The following MAP2K4 variants were observed in gnomAD, a reference collection of about 807,000 sequenced individuals.
MAP2K4 encodes mitogen-activated protein kinase kinase 4.
Under a neutral mutation model 48.5 loss-of-function variants are expected in MAP2K4, and 4 were observed. The ratio of observed to expected loss-of-function variants is 0.08; its 90% CI spans 0.04 to 0.19. The LOEUF (loss-of-function observed/expected upper bound fraction) is 0.19. Ranked by LOEUF, MAP2K4 falls within the 10% of genes least tolerant of loss-of-function variation. The probability of loss-of-function intolerance (pLI) is 1.00; values close to 1 mark genes in which losing one functional copy is unlikely to be tolerated. For synonymous variants in MAP2K4, 166 were observed against 173.1 expected (o/e 0.96, Z 0.32); for missense variants, 258 against 493.3 (o/e 0.52, Z 4.52).
chr17:12,101,493 T>C (rs867923447), intron 4 of MAP2K4, among the ~76,000 whole-genome samples: 1 of 152,088 alleles, frequency 6.6e-6, no homozygotes, highest in African/African-American at 2.4e-5. Context: ...ATCCTTTCTA[T>C]TTTCATGTGG....
chr17:12,088,509 A>T (rs1293944840), intron 3 of MAP2K4, among the ~76,000 whole-genome samples: 2 of 107,272 alleles, frequency 1.9e-5, no homozygotes, highest in African/African-American at 5.8e-5. Flanking sequence ...TATATTATCT[A>T]TAATATGTAT....
intron 2 of MAP2K4, among the ~76,000 whole-genome samples, chr17:12,070,670 A>G (rs1250656048): frequency 3.3e-5 from 5 of 152,256 alleles, no homozygotes; most frequent in African/African-American, 1.2e-4. Flanking sequence ...TCAGCAAACT[A>G]CAGCTCATGA....
intron 1 of MAP2K4, among the ~76,000 whole-genome samples, chr17:12,035,289 G>A (rs1041644119): frequency 2.6e-5 from 4 of 152,142 alleles, no homozygotes; most frequent in East Asian, 1.9e-4. Context: ...AGGCCACGGC[G>A]GGCAGATCAC....
At chr17:12,065,472 G>A (rs1597430072) in intron 2 of MAP2K4, among the ~76,000 whole-genome samples, 1 of 151,804 alleles carries the variant, frequency 6.6e-6, no homozygotes, top group East Asian at 1.9e-4. Flanking sequence ...CTAGTTTTTT[G>A]TATTTTTAGT....
intron 1 of MAP2K4, among the ~76,000 whole-genome samples, chr17:12,025,467 AG>A (rs1237711927): frequency 2.0e-5 from 3 of 152,224 alleles, no homozygotes; most frequent in African/African-American, 7.2e-5. Context: ...GAGAAATGTC[AG>A]TTTTCAATAG....
intron 4 of MAP2K4, among the ~76,000 whole-genome samples, chr17:12,101,235 C>T (rs1971926720): frequency 1.3e-5 from 2 of 151,900 alleles, no homozygotes; most frequent in Admixed American, 1.3e-4. Flanking sequence ...TTATATATAT[C>T]GAGAGTTATA....
At chr17:12,058,172 C>T (rs1970340628) in intron 2 of MAP2K4, among the ~76,000 whole-genome samples, 1 of 151,814 alleles carries the variant, frequency 6.6e-6, no homozygotes. Context: ...AAGACATGCC[C>T]CCTTTTTATT....
chr17:12,025,090 C>T (rs1969214702), intron 1 of MAP2K4, among the ~76,000 whole-genome samples: 1 of 152,196 alleles, frequency 6.6e-6, no homozygotes, highest in Non-Finnish European at 1.5e-5. Flanking sequence ...GTAGCTGTAG[C>T]AGCTAGCGTT....
intron 1 of MAP2K4, among the ~76,000 whole-genome samples, chr17:12,023,697 G>C (rs1277937784): frequency 6.6e-6 from 1 of 152,118 alleles, no homozygotes; most frequent in Non-Finnish European, 1.5e-5. Flanking sequence ...AGTGGTCCAG[G>C]CTGGCCAATA....
In MAP2K4 at chr17:12,081,074, C is replaced by T. The variant is rs1437499613; in HGVS notation, c.219-282C>T. ...ATATTTAGAAATGAAAACTGATCTG[C>T]AGAATTAGTTTAATCAATAAATGGG... is the stretch of plus-strand genomic sequence containing the variant. On this transcript the variant is annotated intron_variant, in intron 2 of 10. Coordinates refer to ENST00000353533, the MANE Select transcript of MAP2K4 (RefSeq NM_003010.4). This position sits in a 1 kb window ranked among gnomAD's most constrained non-coding sequence, Gnocchi z 4.2. Among the ~76,000 whole-genome samples the T allele has an allele frequency of 1.3e-5, 2 of 152,160 alleles. No homozygotes were observed. The highest frequency in any genetic ancestry group is 2.9e-5 in the Non-Finnish European group (2 of 68,034).
chr17:12,059,468 G>A (rs746571765), intron 2 of MAP2K4, among the ~76,000 whole-genome samples: 11 of 152,164 alleles, frequency 7.2e-5, no homozygotes, highest in Non-Finnish European at 1.5e-4. Flanking sequence ...AATATATTCA[G>A]TACAATTGTT....
At chr17:12,120,161 T>A (rs1396636274) in intron 7 of MAP2K4, among the ~76,000 whole-genome samples, 3 of 151,826 alleles carry the variant, frequency 2.0e-5, no homozygotes, top group Non-Finnish European at 4.4e-5. Flanking sequence ...AGTAAAAGTT[T>A]AAAAAAAATA....
At chr17:12,068,777 A>G (rs1412788144) in intron 2 of MAP2K4, among the ~76,000 whole-genome samples, 1 of 145,424 alleles carries the variant, frequency 6.9e-6, no homozygotes, top group Non-Finnish European at 1.6e-5. Flanking sequence ...GCGTGTGTGT[A>G]TATGTATTTA....
In MAP2K4 at chr17:12,060,355, GAATT is replaced by G. The variant is rs532517462; in HGVS notation, c.218+5367_218+5370del. 2.0e-3 allele frequency among the ~76,000 whole-genome samples: 306 copies of G among 152,072 alleles called. 1 individual carries two copies. The highest frequency in any genetic ancestry group is 7.3e-3 in the African/African-American group (302 of 41,472). ...TTATATAATGAATAGGAAGGGGAGA[GAATT>G]AAGCCAGCCTTGCACTGCCTTCTTT... On this transcript the variant is annotated intron_variant, in intron 2 of 10. Coordinates refer to ENST00000353533, the MANE Select transcript of MAP2K4 (RefSeq NM_003010.4).
Position 12,081,254 on chromosome 17 carries a change from A to C in MAP2K4, c.219-102A>C. 1 of 860,548 alleles carries C rather than the reference A, an allele frequency of 1.2e-6. No homozygotes were observed. Among genetic ancestry groups the C allele is most frequent in the Non-Finnish European group, 1.8e-6 (1 of 571,150 alleles). 53.3% of individuals were successfully genotyped at this position (860,548 alleles called of 1,614,324 possible). On this transcript the variant is annotated intron_variant, in intron 2 of 10. Transcript: ENST00000353533. This position sits in a 1 kb window ranked among gnomAD's most constrained non-coding sequence, Gnocchi z 4.2. ...AAAAACCTGGAGGTCAGACTATTTTAGTAATTTAGAAAACATTTTTCCCAC... is the reference window on the plus strand; with the variant it reads ...AAAAACCTGGAGGTCAGACTATTTTCGTAATTTAGAAAACATTTTTCCCAC...
At chr17:12,132,775 C>CTGCAGAAGAG (rs1973073107) in intron 9 of MAP2K4, among the ~76,000 whole-genome samples, 1 of 152,092 alleles carries the variant, frequency 6.6e-6, no homozygotes, top group Non-Finnish European at 1.5e-5. Flanking sequence ...AGAAAGTATG[C>CTGCAGAAGAG]TGCAGAAGAG....
At position 12,081,618 on chromosome 17, in the gene MAP2K4, T is replaced by A; in HGVS notation, c.393+88T>A. ...AATACCACTGTTGTTGTGTTCCTAC[T>A]TTTGTGGTAAATGTGGGTGTTTAAA... On this transcript the variant is annotated intron_variant, in intron 3 of 10. Coordinates refer to ENST00000353533, the MANE Select transcript of MAP2K4 (RefSeq NM_003010.4). The surrounding 1 kb of genome is among the most constrained non-coding windows in gnomAD (Gnocchi z 4.2). 1 of 1,357,956 alleles carries A rather than the reference T, an allele frequency of 7.4e-7. No individual in the cohort carries two copies. Among genetic ancestry groups the A allele is most frequent in the Non-Finnish European group, 1.0e-6 (1 of 982,056 alleles). 84.1% of individuals were successfully genotyped at this position (1,357,956 alleles called of 1,614,324 possible). A position where few individuals can be genotyped will look rare whatever the true frequency, so the allele number is the denominator to read the frequency against.
intron 2 of MAP2K4, among the ~76,000 whole-genome samples, chr17:12,061,386 C>T (rs1217566391): frequency 6.6e-6 from 1 of 152,174 alleles, no homozygotes; most frequent in Non-Finnish European, 1.5e-5. Flanking sequence ...GTACCTGAGG[C>T]TGTGGTACAC....
chr17:12,042,774 G>A (rs559933958), intron 1 of MAP2K4, among the ~76,000 whole-genome samples: 9 of 152,308 alleles, frequency 5.9e-5, no homozygotes, highest in African/African-American at 2.2e-4. Context: ...TTGGCCAGGC[G>A]CAGTGGCTCA....
Sources: allele counts gnomAD v4.1 joint callset (sites outside exome capture counted in the v4.1 genomes callset), GRCh38; gene constraint gnomAD v4.1.1; non-coding constraint Gnocchi (gnomAD v3.1); transcripts MANE v1.5; gene names NCBI Gene and HGNC (gene_info 2026-07-23, HGNC 2026-07-21).